AKT3: variants seen among roughly 807,000 people sequenced by gnomAD.
AKT3 encodes AKT serine/threonine kinase 3.
AKT3 carries 15 observed loss-of-function variants against 65.3 expected under a neutral mutation model. That is an observed-to-expected ratio of 0.23 (90% confidence interval 0.15 to 0.35). The LOEUF (loss-of-function observed/expected upper bound fraction) is 0.35. Ranked by LOEUF, AKT3 falls within the 10% of genes least tolerant of loss-of-function variation. The pLI is 1.00. For synonymous variants in AKT3, 206 were observed against 183.8 expected (o/e 1.12, Z -0.98); for missense variants, 243 against 576.5 (o/e 0.42, Z 5.92).
chr1:243,843,090 C>G (rs770211330), intron 2 of AKT3, 35 bp downstream of exon 2: 16 of 1,611,520 alleles, frequency 9.9e-6, no homozygotes, highest in Admixed American at 1.7e-5. Flanking sequence ...AGCACTCTTA[C>G]CAACCGTATT....
intron 13 of AKT3, among the ~76,000 whole-genome samples, chr1:243,492,173 G>T (rs1666601630): frequency 6.6e-6 from 1 of 151,658 alleles, no homozygotes. Flanking sequence ...GGAGCCCCTG[G>T]TAGTGGTAGC....
At chr1:243,772,012 T>A (rs2148280207) in intron 2 of AKT3, among the ~76,000 whole-genome samples, 1 of 152,292 alleles carries the variant, frequency 6.6e-6, no homozygotes, top group African/African-American at 2.4e-5. Flanking sequence ...CTGGATCCAT[T>A]CCTTACAACT....
intron 8 of AKT3, among the ~76,000 whole-genome samples, chr1:243,580,192 G>C (rs996717186): frequency 2.0e-5 from 3 of 152,172 alleles, no homozygotes; most frequent in Non-Finnish European, 1.5e-5. Context: ...AGATCCCAGA[G>C]AGGAGAAGGC....
In AKT3 at chr1:243,721,852, A is replaced by G. The variant is rs1264243586; in HGVS notation, c.47-26136T>C. ...CTCCTGTTGCTTCCAGGCAAGGCACATCAGAGGTGAGATTACCCTACAGAT... is the reference window on the plus strand; with the variant it reads ...CTCCTGTTGCTTCCAGGCAAGGCACGTCAGAGGTGAGATTACCCTACAGAT... On this transcript the variant is annotated intron_variant, in intron 2 of 13. Transcript: ENST00000673466. Among the ~76,000 whole-genome samples the G allele has an allele frequency of 3.9e-5, 6 of 152,178 alleles. No individual in the cohort carries two copies. The East Asian group carries it at 1.2e-3, about 29-fold the overall frequency.
intron 2 of AKT3, among the ~76,000 whole-genome samples, chr1:243,762,225 AT>A (rs1358639648): frequency 6.6e-6 from 1 of 152,022 alleles, no homozygotes; most frequent in Admixed American, 6.6e-5. Flanking sequence ...TTCTGTTTAG[AT>A]TGCTGATCAT....
chr1:243,604,644 CT>C lies in AKT3; in HGVS notation c.696+9026del, dbSNP rs1677261667. On this transcript the variant is annotated intron_variant, in intron 8 of 13. Coordinates refer to ENST00000673466, the MANE Select transcript of AKT3 (RefSeq NM_005465.7). ...TCCTACTCTGGCACCCTTTGCTTTC[CT>C]TTCCTCTGCTCCTCAGGTTCATTAA... Among the ~76,000 whole-genome samples, 4 of 152,290 alleles carry C rather than the reference CT, an allele frequency of 2.6e-5. No homozygotes were observed. In the South Asian group the frequency reaches 8.3e-4, roughly 32 times the overall value.
intron 11 of AKT3, chr1:243,548,407 A>G (rs1672823151): frequency 6.6e-6 from 1 of 152,308 alleles, no homozygotes; most frequent in African/African-American, 2.4e-5. Context: ...CATTTATTCT[A>G]TATTTATCAA....
intron 4 of AKT3, among the ~76,000 whole-genome samples, chr1:243,656,271 GTACA>G (rs1681783593): frequency 6.6e-6 from 1 of 152,038 alleles, no homozygotes; most frequent in Admixed American, 6.6e-5. Context: ...TCTTTTAAAA[GTACA>G]TATACTACTT....
chr1:243,500,766 C>T lies in AKT3; in HGVS notation c.*4483G>A. The T allele has an allele frequency of 4.9e-6, 1 of 202,138 alleles. No individual in the cohort carries two copies. Among genetic ancestry groups the T allele is most frequent in the East Asian group, 6.7e-5 (1 of 14,884 alleles). 12.5% of individuals were successfully genotyped at this position (202,138 alleles called of 1,614,324 possible). A position where few individuals can be genotyped will look rare whatever the true frequency, so the allele number is the denominator to read the frequency against. The stretch of plus-strand genomic sequence containing the variant: ...CCTCTCAGAAGTGATGTGGATTAGG[C>T]TTTGGAGGCGGTGGCATGATCTACA... On this transcript the variant is annotated 3_prime_UTR_variant, in exon 14 of 14. Transcript: ENST00000673466.
chr1:243,755,866 T>C (rs933089252), intron 2 of AKT3, among the ~76,000 whole-genome samples: 1 of 152,216 alleles, frequency 6.6e-6, no homozygotes, highest in African/African-American at 2.4e-5. Flanking sequence ...GTGAAGGCCT[T>C]TCTTTTCTTA....
At chr1:243,672,464 CCA>C (rs1237580513) in intron 3 of AKT3, among the ~76,000 whole-genome samples, 1 of 152,224 alleles carries the variant, frequency 6.6e-6, no homozygotes, top group Non-Finnish European at 1.5e-5. Context: ...ATATCTCTCT[CCA>C]CATAAGCAAA....
intron 2 of AKT3, among the ~76,000 whole-genome samples, chr1:243,790,403 G>T (rs1201319258): frequency 6.6e-6 from 1 of 152,078 alleles, no homozygotes; most frequent in Non-Finnish European, 1.5e-5. Flanking sequence ...ATCAACCTCT[G>T]TTAGCTTCTA....
At chr1:243,804,304 T>C (rs1692579442) in intron 2 of AKT3, among the ~76,000 whole-genome samples, 3 of 152,246 alleles carry the variant, frequency 2.0e-5, no homozygotes, top group Non-Finnish European at 4.4e-5. Flanking sequence ...ATCTAAAATA[T>C]ACTTTTAAAT....
intron 2 of AKT3, among the ~76,000 whole-genome samples, chr1:243,753,062 T>C (rs1688908069): frequency 6.6e-6 from 1 of 152,218 alleles, no homozygotes; most frequent in Non-Finnish European, 1.5e-5. Flanking sequence ...TTATGCCATT[T>C]TGATTTGCCT....
chr1:243,491,768 C>T (rs2148282248), intron 13 of AKT3, among the ~76,000 whole-genome samples: 1 of 152,310 alleles, frequency 6.6e-6, no homozygotes, highest in East Asian at 1.9e-4. Flanking sequence ...AGTGCTCAGC[C>T]ACCCTCTCTG....
intron 2 of AKT3, among the ~76,000 whole-genome samples, chr1:243,795,057 A>C (rs1691867537): frequency 6.6e-6 from 1 of 151,938 alleles, no homozygotes. Flanking sequence ...GGAGATTTTT[A>C]AAGTTTTCTT....
chr1:243,723,289 T>G (rs1006032100), intron 2 of AKT3, among the ~76,000 whole-genome samples: 1 of 152,208 alleles, frequency 6.6e-6, no homozygotes, highest in African/African-American at 2.4e-5. Context: ...TATTCATAGA[T>G]GCCTGTCACT....
chr1:243,720,713 T>C (rs1432724449), intron 2 of AKT3, among the ~76,000 whole-genome samples: 1 of 152,108 alleles, frequency 6.6e-6, no homozygotes, highest in Non-Finnish European at 1.5e-5. Flanking sequence ...ATAAAGTAGA[T>C]AAATATTAAG....
At chr1:243,776,892 G>A (rs1398653371) in intron 2 of AKT3, among the ~76,000 whole-genome samples, 1 of 152,196 alleles carries the variant, frequency 6.6e-6, no homozygotes, top group Non-Finnish European at 1.5e-5. Context: ...AAGTAGTATA[G>A]TCAAACACAT....
Sources: gnomAD v4.1 joint callset for allele counts (sites outside exome capture counted in the v4.1 genomes callset) on GRCh38, gnomAD v4.1.1 for gene constraint, MANE v1.5 for transcripts, NCBI Gene and HGNC (gene_info 2026-07-23, HGNC 2026-07-21) for gene names.